Variants in USO1 observed in about 807,000 individuals in gnomAD.
USO1 encodes the protein general vesicular transport factor p115.
USO1 carries 57 observed loss-of-function variants against 124.5 expected under a neutral mutation model. The ratio of observed to expected loss-of-function variants is 0.46; its 90% confidence interval spans 0.37 to 0.57. The LOEUF (loss-of-function observed/expected upper bound fraction) is 0.57, where lower values mean the gene tolerates loss of function less well. Ranked by LOEUF, USO1 falls within the 20% of genes least tolerant of loss-of-function variation. The pLI, the probability that USO1 is intolerant of heterozygous loss-of-function variation, is 0.00. For synonymous variants in USO1, 369 were observed against 362.8 expected (o/e 1.02, Z -0.19); for missense variants, 900 against 1,040.6 (o/e 0.86, Z 1.86).
At chr4:75,803,126 A>G (rs1052945187) in intron 17 of USO1, among the ~76,000 whole-genome samples, 1 of 150,694 alleles carries the variant, frequency 6.6e-6, no homozygotes, top group African/African-American at 2.4e-5. Flanking sequence ...AAGAAAGAAA[A>G]GAAAAAAAAT....
chr4:75,806,666 C>A, intron 20 of USO1, 94 bp downstream of exon 20: 1 of 1,432,414 alleles, frequency 7.0e-7, no homozygotes. Flanking sequence ...ACTATATTAG[C>A]AGATGTAAGT....
chr4:75,804,068 T>C, intron 17 of USO1, 66 bp from the exon 18 acceptor site: 1 of 1,530,992 alleles, frequency 6.5e-7, no homozygotes, highest in Non-Finnish European at 8.8e-7. Context: ...ATTTTTAAAA[T>C]GTGTTCACCT....
intron 4 of USO1, among the ~76,000 whole-genome samples, chr4:75,768,517 A>G (rs546635147): frequency 5.4e-4 from 82 of 152,332 alleles, no homozygotes; most frequent in African/African-American, 1.8e-3. Flanking sequence ...CTTACTTATT[A>G]GTTCTATTAG....
chr4:75,776,811 G>A (rs377201192), intron 8 of USO1, among the ~76,000 whole-genome samples: 13 of 152,256 alleles, frequency 8.5e-5, no homozygotes, highest in African/African-American at 3.1e-4. Flanking sequence ...AGGTGAGGAA[G>A]CCTCTAATCT....
At chr4:75,732,379 T>G (rs1333614445) in intron 1 of USO1, among the ~76,000 whole-genome samples, 1 of 152,232 alleles carries the variant, frequency 6.6e-6, no homozygotes, top group Admixed American at 6.5e-5. Context: ...ATGGCATATA[T>G]GTACTGCATT....
chr4:75,801,294 G>A (rs1722844485), intron 17 of USO1, 94 bp downstream of exon 17: 12 of 1,375,578 alleles, frequency 8.7e-6, no homozygotes, highest in African/African-American at 2.9e-5. Flanking sequence ...AATGAAAGAG[G>A]ATATAGAAAG....
chr4:75,784,782 C>CT (rs912287236), intron 9 of USO1, among the ~76,000 whole-genome samples: 4 of 149,242 alleles, frequency 2.7e-5, no homozygotes, highest in Non-Finnish European at 5.9e-5. Context: ...GAGTGAGACT[C>CT]TATCTCAGGA....
intron 1 of USO1, among the ~76,000 whole-genome samples, chr4:75,749,593 C>G (rs1214368667): frequency 6.6e-6 from 1 of 151,394 alleles, no homozygotes; most frequent in African/African-American, 2.4e-5. Context: ...GAGACATGGT[C>G]TCACTATGTT....
intron 3 of USO1, 83 bp from the exon 4 acceptor site, chr4:75,757,414 A>G: frequency 7.8e-7 from 1 of 1,275,766 alleles, no homozygotes; most frequent in South Asian, 1.7e-5. Context: ...GGAATTTTCT[A>G]AAATTGCTAA....
chr4:75,782,970 G>T, intron 9 of USO1, 112 bp downstream of exon 9: 1 of 1,373,572 alleles, frequency 7.3e-7, no homozygotes, highest in Non-Finnish European at 9.5e-7. Flanking sequence ...TTTCAGGTTG[G>T]CTTAAAAAAA....
intron 4 of USO1, among the ~76,000 whole-genome samples, chr4:75,763,268 A>C (rs1474114473): frequency 6.6e-6 from 1 of 152,216 alleles, no homozygotes; most frequent in Non-Finnish European, 1.5e-5. Flanking sequence ...ATGATGGTTC[A>C]ACTTCACGAT....
At chr4:75,800,942 A>C in intron 16 of USO1, 137 bp from the exon 17 acceptor site, 1 of 1,400,142 alleles carries the variant, frequency 7.1e-7, no homozygotes, top group Non-Finnish European at 9.5e-7. Flanking sequence ...CCATTGAAGG[A>C]CATTTGGCTT....
intron 15 of USO1, 62 bp downstream of exon 15, chr4:75,800,531 T>C: frequency 6.6e-7 from 1 of 1,525,436 alleles, no homozygotes; most frequent in East Asian, 2.3e-5. Flanking sequence ...TTTTTTTTTT[T>C]TTGCCAAAGC....
intron 4 of USO1, among the ~76,000 whole-genome samples, chr4:75,768,737 A>G (rs1189645743): frequency 6.6e-6 from 1 of 152,222 alleles, no homozygotes; most frequent in African/African-American, 2.4e-5. Flanking sequence ...TCAGTCTTTC[A>G]CCATTAAGTA....
At chr4:75,811,824 ACTT>A (rs1723158938) in intron 22 of USO1, among the ~76,000 whole-genome samples, 1 of 152,264 alleles carries the variant, frequency 6.6e-6, no homozygotes, top group African/African-American at 2.4e-5. Flanking sequence ...TACTAATCAG[ACTT>A]CTTCTGTAAA....
intron 4 of USO1, among the ~76,000 whole-genome samples, chr4:75,768,385 T>C (rs577921842): frequency 2.6e-5 from 4 of 152,350 alleles, no homozygotes; most frequent in African/African-American, 2.4e-5. Flanking sequence ...CAAATGTTTT[T>C]GTTGATGCTA....
intron 13 of USO1, among the ~76,000 whole-genome samples, chr4:75,797,797 T>C (rs1223282547): frequency 6.6e-6 from 1 of 151,964 alleles, no homozygotes; most frequent in Non-Finnish European, 1.5e-5. Flanking sequence ...GCGCGCCACC[T>C]CGCCTGGCTA....
At position 75,782,711 on chromosome 4, in the gene USO1, C is replaced by T. The variant is rs2080663351; in HGVS notation, c.708C>T (p.Leu236=). 2.5e-6 allele frequency: 4 copies of T among 1,571,634 alleles called. No homozygotes were observed. Among genetic ancestry groups the T allele is most frequent in the East Asian group, 4.6e-5 (2 of 43,300 alleles). ...GIVVEDCLIL[L]QNLLKNNNSN... is the part of the protein sequence containing the mutation. ...TAGTTGAAGATTGTTTGATTTTGCT[C>T]CAAAACTTATTAAAAAACAACAACT... The change falls in exon 9 of 24, where the codon CTC becomes CTT. Residue 236 remains leucine (L), a synonymous_variant. Coordinates refer to ENST00000514213, the MANE Select transcript of USO1 (RefSeq NM_003715.4).
chr4:75,731,623 A>T (rs547136474), intron 1 of USO1, among the ~76,000 whole-genome samples: 3 of 152,310 alleles, frequency 2.0e-5, no homozygotes, highest in Admixed American at 6.5e-5. Context: ...CATCTAAAAC[A>T]TAAGTGAATT....
Sources: allele counts gnomAD v4.1 joint callset (sites outside exome capture counted in the v4.1 genomes callset), GRCh38; gene constraint gnomAD v4.1.1; transcripts MANE v1.5; gene names NCBI Gene and HGNC (gene_info 2026-07-23, HGNC 2026-07-21).